The following DNAH17 variants were observed in gnomAD, a reference collection of about 807,000 sequenced individuals.
DNAH17 encodes axonemal beta dynein heavy chain 17.
A neutral mutation model predicts 485.6 loss-of-function variants in DNAH17; 376 were observed. The ratio of observed to expected loss-of-function variants is 0.77; its 90% CI spans 0.71 to 0.84. The LOEUF (loss-of-function observed/expected upper bound fraction) is 0.84, where lower values mean the gene tolerates loss of function less well. Among genes scored for constraint, DNAH17 ranks in the 40% least tolerant of loss-of-function variants. The probability of loss-of-function intolerance (pLI) is 0.00; values close to 1 mark genes in which losing one functional copy is unlikely to be tolerated. For missense variants in DNAH17, 6,370 were observed against 5,839.3 expected (o/e 1.09, Z -2.96); for synonymous variants, 3,031 against 2,405.9 (o/e 1.26, Z -7.60).
In DNAH17 at chr17:78,571,209, A is replaced by G. The variant is rs2092352650; in HGVS notation, c.832+70T>C. The G allele has an allele frequency of 5.6e-6, 8 of 1,430,726 alleles. No homozygotes were observed. The South Asian group carries it at 9.7e-5, about 17-fold the overall frequency. The allele number at this position is 1,430,726 out of a possible 1,614,324, so 88.6% of individuals were successfully genotyped here. A position where few individuals can be genotyped will look rare whatever the true frequency, so the allele number is the denominator to read the frequency against. ...GGCCAACATCCTAGGGTTGGTGACA[A>G]GTCTGACCCAGCCCTCCCAGGAGGC... On this transcript the variant is annotated intron_variant, in intron 5 of 80. Transcript: ENST00000389840.
chr17:78,427,553 T>C (rs910181109), intron 77 of DNAH17, among the ~76,000 whole-genome samples: 1 of 152,212 alleles, frequency 6.6e-6, no homozygotes, highest in Admixed American at 6.5e-5. Context: ...CAATTCCTGA[T>C]TTCAGTCATT....
chr17:78,551,965 GAAAAA>G (rs112451291), intron 15 of DNAH17, among the ~76,000 whole-genome samples: 1 of 140,222 alleles, frequency 7.1e-6, no homozygotes, highest in African/African-American at 2.6e-5. Context: ...TCTATCTCAG[GAAAAA>G]AAAAAAAAAA....
At chr17:78,523,035 A>G (rs148425955) in intron 25 of DNAH17, among the ~76,000 whole-genome samples, 2 of 152,184 alleles carry the variant, frequency 1.3e-5, no homozygotes, top group African/African-American at 4.8e-5. Flanking sequence ...TTGTATTTTT[A>G]GTAGAAACAG....
At chr17:78,479,157 G>A in intron 50 of DNAH17, 41 bp from the exon 51 acceptor site, 1 of 1,592,286 alleles carries the variant, frequency 6.3e-7, no homozygotes, top group Non-Finnish European at 8.6e-7. Flanking sequence ...ATGTACTCTT[G>A]ATGGCCCCAG....
intron 66 of DNAH17, 21 bp downstream of exon 66, chr17:78,451,448 G>A: frequency 6.3e-7 from 1 of 1,594,260 alleles, no homozygotes; most frequent in Non-Finnish European, 8.5e-7. Context: ...CCTCCCGTGT[G>A]ACCAAACTTC....
chr17:78,540,418 A>AGTGG (rs1878366735), intron 17 of DNAH17, among the ~76,000 whole-genome samples: 3 of 65,758 alleles, frequency 4.6e-5, no homozygotes, highest in African/African-American at 2.0e-4. Flanking sequence ...TAGATGGGTG[A>AGTGG]GTGGGTGGAT....
At chr17:78,470,166 C>T (rs1198936737) in intron 54 of DNAH17, among the ~76,000 whole-genome samples, 24 of 150,280 alleles carry the variant, frequency 1.6e-4, no homozygotes, top group South Asian at 2.1e-4. Context: ...CTCCGCCTCC[C>T]GGGTTCAAGG....
At position 78,496,007 on chromosome 17, in the gene DNAH17, C is replaced by T. The variant is rs747374888; in HGVS notation, c.5771G>A (p.Arg1924Gln). Residue 1924 changes from arginine to glutamine, a missense_variant, in exon 38 of 81, where the codon CGG (arginine) becomes CAG (glutamine). Physicochemically the swap from Arg to Gln is conservative, Grantham distance 43. Transcript: ENST00000389840. The part of the protein sequence containing the change: ...VQVKCVQDAI[R>Q]AKKKAFNFLG... ...GAAATTGAATGCTTTTTTCTTGGCC[C>T]GAATTGCATCCTGGACACATTTTAC... 2.7e-5 allele frequency: 44 copies of T among 1,613,554 alleles called. No homozygotes were observed. Among genetic ancestry groups the T allele is most frequent in the South Asian group, 5.5e-5 (5 of 91,058 alleles).
At chr17:78,472,642 G>A (rs965990234) in intron 54 of DNAH17, 1 of 440,276 alleles carries the variant, frequency 2.3e-6, no homozygotes, top group Non-Finnish European at 4.6e-6. Flanking sequence ...GGGGTGTGGG[G>A]AGGGGAGCTG....
chr17:78,463,892 T>TG (rs1364678319), intron 56 of DNAH17, among the ~76,000 whole-genome samples: 1 of 152,192 alleles, frequency 6.6e-6, no homozygotes, highest in East Asian at 1.9e-4. Context: ...GTGCTGGTGG[T>TG]GGGGCCAATG....
intron 25 of DNAH17, among the ~76,000 whole-genome samples, chr17:78,515,736 C>A (rs2090762934): frequency 6.6e-6 from 1 of 152,228 alleles, no homozygotes; most frequent in African/African-American, 2.4e-5. Flanking sequence ...ATACAGCCTG[C>A]ACTGTGGAAC....
intron 39 of DNAH17, 64 bp downstream of exon 39, chr17:78,494,895 C>T: frequency 1.3e-6 from 2 of 1,577,564 alleles, no homozygotes; most frequent in South Asian, 1.2e-5. Flanking sequence ...GGAAGCCAAC[C>T]CTGGCTGCTG....
intron 51 of DNAH17, among the ~76,000 whole-genome samples, chr17:78,478,387 T>C (rs1298867215): frequency 1.4e-5 from 2 of 144,590 alleles, no homozygotes; most frequent in African/African-American, 2.6e-5. Flanking sequence ...CCACCACTAT[T>C]ATCATCAGCA....
At chr17:78,452,465 C>T (rs1258856141) in intron 65 of DNAH17, among the ~76,000 whole-genome samples, 7 of 152,112 alleles carry the variant, frequency 4.6e-5, no homozygotes, top group Non-Finnish European at 8.8e-5. Flanking sequence ...AGGCCGGGCG[C>T]GGTGGCTCCC....
intron 15 of DNAH17, among the ~76,000 whole-genome samples, chr17:78,551,966 A>G (rs12602117): frequency 1.0e-3 from 67 of 66,542 alleles, no homozygotes; most frequent in East Asian, 4.1e-3. Flanking sequence ...CTATCTCAGG[A>G]AAAAAAAAAA....
At chr17:78,453,968 A>G (rs113951927) in intron 64 of DNAH17, among the ~76,000 whole-genome samples, 4,220 of 152,138 alleles carry the variant, frequency 0.028, 85 homozygotes, top group Middle Eastern at 0.082. Flanking sequence ...TCAGCCTCCC[A>G]GAGTGCTGAG....
chr17:78,499,303 G>A (rs1398548014), intron 36 of DNAH17, 191 bp from the exon 37 acceptor site: 2 of 421,382 alleles, frequency 4.7e-6, no homozygotes, highest in East Asian at 3.7e-5. Context: ...GTGGAGGGCT[G>A]GACACGAGGA....
At chr17:78,569,037 T>C in intron 9 of DNAH17, 129 bp downstream of exon 9, 1 of 725,862 alleles carries the variant, frequency 1.4e-6, no homozygotes, top group South Asian at 1.9e-5. Context: ...TCATAACAGA[T>C]ATTTGGGCCT....
At chr17:78,561,359 C>G (rs977670954) in intron 12 of DNAH17, among the ~76,000 whole-genome samples, 4 of 152,096 alleles carry the variant, frequency 2.6e-5, no homozygotes, top group African/African-American at 9.7e-5. Context: ...GCCGTCCCTG[C>G]GTCCACCGTG....
Sources: gnomAD v4.1 joint callset for allele counts (sites outside exome capture counted in the v4.1 genomes callset) on GRCh38, gnomAD v4.1.1 for gene constraint, MANE v1.5 for transcripts, NCBI Gene and HGNC (gene_info 2026-07-23, HGNC 2026-07-21) for gene names.